SETD1B: variants seen among roughly 807,000 people sequenced by gnomAD.
SETD1B encodes histone-lysine N-methyltransferase SETD1B.
A neutral mutation model predicts 148.0 loss-of-function variants in SETD1B; 7 were observed. The ratio of observed to expected loss-of-function variants is 0.05; its 90% CI spans 0.03 to 0.09. SETD1B has a LOEUF of 0.09. SETD1B is among the 10% of genes least tolerant of loss of function. The probability of loss-of-function intolerance (pLI) is 1.00; values close to 1 mark genes in which losing one functional copy is unlikely to be tolerated. For missense variants in SETD1B, 2,155 were observed against 2,729.9 expected (o/e 0.79, Z 4.69); for synonymous variants, 1,361 against 1,186.5 (o/e 1.15, Z -3.02).
chr12:121,799,760 C>G (rs1592966495), upstream of SETD1B: 1 of 139,684 alleles, frequency 7.2e-6, no homozygotes, highest in African/African-American at 2.6e-5. Flanking sequence ...AGAACCAGCC[C>G]GGCGTGTTTG....
rs1409320478 is a variant in SETD1B at position 121,830,496 on chromosome 12, A to G, written c.*257A>G. On this transcript the variant is annotated 3_prime_UTR_variant, in exon 17 of 17. Coordinates refer to ENST00000604567, the MANE Select transcript of SETD1B (RefSeq NM_001353345.2). This position sits in a 1 kb window ranked among gnomAD's most constrained non-coding sequence, Gnocchi z 5.7. ...AACGCCCCTTTCAGGATTTCTGTTTAACTCCAGCATCAGCTTCTCTCTCTC... is the reference window on the plus strand; with the variant it reads ...AACGCCCCTTTCAGGATTTCTGTTTGACTCCAGCATCAGCTTCTCTCTCTC... 7.5e-6 allele frequency: 3 copies of G among 401,294 alleles called. No individual in the cohort carries two copies. Among genetic ancestry groups the G allele is most frequent in the Non-Finnish European group, 1.3e-5 (3 of 222,348 alleles). The allele number at this position is 401,294 out of a possible 1,614,324, so 24.9% of individuals were successfully genotyped here.
intron 7 of SETD1B, among the ~76,000 whole-genome samples, chr12:121,815,140 T>C (rs1876229572): frequency 6.6e-6 from 1 of 152,090 alleles, no homozygotes; most frequent in Admixed American, 6.6e-5. Flanking sequence ...TGAATTTAAA[T>C]GAGTGGCCAG....
chr12:121,825,294 C>A lies in SETD1B; in HGVS notation c.5265C>A (p.Ile1755=), dbSNP rs1480251355. ...CCCGCAGTGAGGGCTTCTACACCAT[C>A]GACAAGAAGGACAAGCTCAGATACC... ...GCARSEGFYT[I]DKKDKLRYLN... is the part of the protein sequence containing the mutation. The change falls in exon 13 of 17, where the codon ATC becomes ATA. Residue 1755 remains isoleucine, a synonymous_variant. Coordinates refer to ENST00000604567, the MANE Select transcript of SETD1B (RefSeq NM_001353345.2). The A allele has an allele frequency of 1.3e-6, 2 of 1,551,888 alleles. No homozygotes were observed. The highest frequency in any genetic ancestry group is 2.0e-5 in the Admixed American group (1 of 51,004).
Position 121,819,583 on chromosome 12 carries a change from A to G in SETD1B, c.3598A>G (p.Ser1200Gly). 1.3e-6 allele frequency: 2 copies of G among 1,552,452 alleles called. No homozygotes were observed. Among genetic ancestry groups the G allele is most frequent in the Non-Finnish European group, 1.7e-6 (2 of 1,147,254 alleles). The change falls in exon 11 of 17, where the codon AGC becomes GGC. Residue 1200 changes from serine (S) to glycine (G), a missense_variant. By Grantham distance (56) the Ser-to-Gly change is moderately conservative. Coordinates refer to ENST00000604567, the MANE Select transcript of SETD1B (RefSeq NM_001353345.2). ...GGAGGAGGAGATGGTGGCCGAGGAAAGCATGGCTTCTGCAGGCCCTGAGGA... is the reference window on the plus strand; with the variant it reads ...GGAGGAGGAGATGGTGGCCGAGGAAGGCATGGCTTCTGCAGGCCCTGAGGA... ...EEEEEMVAEE[S>G]MASAGPEDFE...
At chr12:121,802,579 C>G (rs1045748781), upstream of SETD1B, 1 of 152,140 alleles carries the variant, frequency 6.6e-6, no homozygotes, top group African/African-American at 2.4e-5. Context: ...CAGCTCCAAG[C>G]TCCCCCCACC....
Position 121,822,767 on chromosome 12 carries a change from G to A in SETD1B, c.4188G>A (p.Leu1396=), listed in dbSNP as rs961966661. The change falls in exon 12 of 17, where the codon CTG becomes CTA. Residue 1396 remains leucine (L), a synonymous_variant. Transcript: ENST00000604567. ...CGCTATCAGGGGGCAGCAGTGGCCT[G>A]TCCCTGAGCTCTCCGCAAGTGCCCG... is the stretch of plus-strand genomic sequence containing the variant. ...EPPLSGGSSG[L]SLSSPQVPGS... 5 of 1,517,810 alleles carry A rather than the reference G, an allele frequency of 3.3e-6. No individual in the cohort carries two copies. Among genetic ancestry groups the A allele is most frequent in the Admixed American group, 2.1e-5 (1 of 48,386 alleles). 94.0% of individuals were successfully genotyped at this position (1,517,810 alleles called of 1,614,324 possible).
chr12:121,829,672 A>C (rs539786841), intron 16 of SETD1B, among the ~76,000 whole-genome samples: 1 of 152,360 alleles, frequency 6.6e-6, no homozygotes, highest in South Asian at 2.1e-4. Context: ...AAGCAGCCAC[A>C]AATTATATGC....
In SETD1B at chr12:121,831,743, T is replaced by A. The variant is rs2137597565; in HGVS notation, c.*1504T>A. On this transcript the variant is annotated 3_prime_UTR_variant, in exon 17 of 17. Coordinates refer to ENST00000604567, the MANE Select transcript of SETD1B (RefSeq NM_001353345.2). ...GGAGTCCTCATCAAGATGAGCGCGC[T>A]CCATGAGGGAGCTGCTCCCACCCTG... 1 of 152,314 alleles carries A rather than the reference T, an allele frequency of 6.6e-6. No individual in the cohort carries two copies. Among genetic ancestry groups the A allele is most frequent in the Non-Finnish European group, 1.5e-5 (1 of 68,016 alleles). 9.4% of individuals were successfully genotyped at this position (152,314 alleles called of 1,614,324 possible). A position where few individuals can be genotyped will look rare whatever the true frequency, so the allele number is the denominator to read the frequency against.
intron 16 of SETD1B, among the ~76,000 whole-genome samples, chr12:121,828,453 ACTGCGTGCATCTGTG>A (rs535772793): frequency 1.6e-3 from 245 of 152,348 alleles, no homozygotes; most frequent in African/African-American, 5.4e-3. Context: ...GGGGAGGTGC[ACTGCGTGCATCTGTG>A]CTGTGGGTTA....
In SETD1B at chr12:121,822,464, T is replaced by C. The variant is rs1388681222; in HGVS notation, c.3911-26T>C. 3 of 1,507,664 alleles carry C rather than the reference T, an allele frequency of 2.0e-6. No individual in the cohort carries two copies. The South Asian group carries it at 3.8e-5, about 19-fold the overall frequency. 93.4% of individuals were successfully genotyped at this position (1,507,664 alleles called of 1,614,324 possible). A position where few individuals can be genotyped will look rare whatever the true frequency, so the allele number is the denominator to read the frequency against. On this transcript the variant is annotated intron_variant, in intron 11 of 16. Transcript: ENST00000604567. ...AGACGTTTGGATTGAATAGTAAATG[T>C]CTCGTGTTCGCTCACCTCTCTGCAG...
At position 121,817,145 on chromosome 12, in the gene SETD1B, G is replaced by A. The variant is rs1163025601; in HGVS notation, c.2828G>A (p.Gly943Asp). Residue 943 changes from glycine to aspartate, a missense_variant, in exon 8 of 17, where the codon GGC (glycine) becomes GAC (aspartate). By Grantham distance (94) the Gly-to-Asp change is moderately conservative. Around this residue, in one of 11 missense-constraint regions of SETD1B, gnomAD observed 289 missense variants for 423.7 expected, o/e 0.68. Coordinates refer to ENST00000604567, the MANE Select transcript of SETD1B (RefSeq NM_001353345.2). This position sits in a 1 kb window ranked among gnomAD's most constrained non-coding sequence, Gnocchi z 8.1. Reference protein sequence around the residue: ...LESWGKGEGLGYEGLGLGIGL... With the variant: ...LESWGKGEGLDYEGLGLGIGL... ...TCATGGGGCAAGGGCGAGGGCCTGG[G>A]CTACGAGGGCCTGGGCCTGGGCATT... The A allele has an allele frequency of 6.5e-7, 1 of 1,548,952 alleles. No individual in the cohort carries two copies. Among genetic ancestry groups the A allele is most frequent in the Non-Finnish European group, 8.7e-7 (1 of 1,146,896 alleles).
In SETD1B at chr12:121,832,468, A is replaced by G. The variant is rs949405816; in HGVS notation, c.*2229A>G. 3 of 153,988 alleles carry G rather than the reference A, an allele frequency of 1.9e-5. No individual in the cohort carries two copies. Among genetic ancestry groups the G allele is most frequent in the Non-Finnish European group, 2.9e-5 (2 of 68,986 alleles). 9.5% of individuals were successfully genotyped at this position (153,988 alleles called of 1,614,324 possible). Reference sequence around the variant, plus strand: ...CCTCCCCCTGCAAAGATGAGAACCAATGAGTTTTAGGGATGTTTGTGCGGG... The same window carrying G: ...CCTCCCCCTGCAAAGATGAGAACCAGTGAGTTTTAGGGATGTTTGTGCGGG... On this transcript the variant is annotated 3_prime_UTR_variant, in exon 17 of 17. Transcript: ENST00000604567.
chr12:121,795,206 T>C, the SETD1B span: 1 of 152,034 alleles, frequency 6.6e-6, no homozygotes, highest in African/African-American at 2.4e-5. Flanking sequence ...CTTCAGGCAC[T>C]GGGCAAAGGG....
At chr12:121,799,581 ATACT>A (rs1310840963), upstream of SETD1B, 4 of 152,238 alleles carry the variant, frequency 2.6e-5, no homozygotes, top group African/African-American at 7.2e-5. Flanking sequence ...CAACTGGGAA[ATACT>A]TGCAAGTGGA....
Position 121,830,387 on chromosome 12 carries a change from A to G in SETD1B, c.*148A>G. 2.8e-6 allele frequency: 2 copies of G among 704,126 alleles called. No individual in the cohort carries two copies. Among genetic ancestry groups the G allele is most frequent in the South Asian group, 2.0e-5 (1 of 49,724 alleles). 43.6% of individuals were successfully genotyped at this position (704,126 alleles called of 1,614,324 possible). ...GGCCATTCAGGGCCTGGCGCCCCAC[A>G]CTACCCCCTGGAGCCCCTGGCTCCG... is the stretch of plus-strand genomic sequence containing the variant. On this transcript the variant is annotated 3_prime_UTR_variant, in exon 17 of 17. Transcript: ENST00000604567. The surrounding 1 kb of genome is among the most constrained non-coding windows in gnomAD (Gnocchi z 5.7).
At chr12:121,806,213 C>A in intron 4 of SETD1B, 108 bp downstream of exon 4, 1 of 1,235,752 alleles carries the variant, frequency 8.1e-7, no homozygotes, top group East Asian at 2.6e-5. Context: ...CCTTGGGATC[C>A]CCCCCCACAA....
chr12:121,796,050 G>A, the SETD1B span: 1 of 152,528 alleles, frequency 6.6e-6, no homozygotes, highest in African/African-American at 2.4e-5. Flanking sequence ...GGACTCGACT[G>A]TTGTGGTGAT....
upstream of SETD1B, chr12:121,802,562 A>ATT (rs1411583270): frequency 1.3e-5 from 2 of 152,056 alleles, no homozygotes; most frequent in African/African-American, 4.8e-5. Flanking sequence ...GAGAATACAG[A>ATT]TTAAGACAGC....
Position 121,817,305 on chromosome 12 carries a change from T to C in SETD1B, c.2977+11T>C. 6.5e-7 allele frequency: 1 copy of C among 1,548,264 alleles called. No homozygotes were observed. Among genetic ancestry groups the C allele is most frequent in the Non-Finnish European group, 8.7e-7 (1 of 1,145,208 alleles). On this transcript the variant is annotated intron_variant, in intron 8 of 16. Transcript: ENST00000604567. The surrounding 1 kb of genome is among the most constrained non-coding windows in gnomAD (Gnocchi z 8.1). The stretch of plus-strand genomic sequence containing the variant: ...ATGAGGAAGATGAAGGTTCGTGCTC[T>C]GGGTGCTGGGGTCCCCTTCTTCCGC...
Sources: allele counts gnomAD v4.1 joint callset (sites outside exome capture counted in the v4.1 genomes callset), GRCh38; gene constraint gnomAD v4.1.1; regional missense constraint gnomAD v4.1.1; non-coding constraint Gnocchi (gnomAD v3.1); transcripts MANE v1.5; gene names NCBI Gene and HGNC (gene_info 2026-07-23, HGNC 2026-07-21).